The following OTX2 variants were observed in gnomAD, a reference collection of about 807,000 sequenced individuals.
OTX2 encodes the protein orthodenticle homeobox 2.
OTX2 carries 4 observed loss-of-function variants against 29.0 expected under a neutral mutation model. The observed-to-expected ratio is 0.14, with a 90% CI of 0.07 to 0.32. OTX2 has a LOEUF of 0.32. Ranked by LOEUF, OTX2 falls within the 10% of genes least tolerant of loss-of-function variation. The pLI, the probability that OTX2 is intolerant of heterozygous loss-of-function variation, is 1.00. For missense variants in OTX2, 298 were observed against 365.9 expected, an observed-to-expected ratio of 0.81 and a Z score of 1.51; for synonymous variants, 134 against 141.0, an observed-to-expected ratio of 0.95 and a Z score of 0.35.
At chr14:56,807,169 TAC>T (rs1347922390) in intron 2 of OTX2, among the ~76,000 whole-genome samples, 1 of 152,208 alleles carries the variant, frequency 6.6e-6, no homozygotes, top group African/African-American at 2.4e-5. Context: ...TTATCCTCAG[TAC>T]AACTAATTTA....
chr14:56,806,993 T>C (rs1892110930), intron 2 of OTX2, among the ~76,000 whole-genome samples: 1 of 152,144 alleles, frequency 6.6e-6, no homozygotes, highest in South Asian at 2.1e-4. Flanking sequence ...GACTCCGGGT[T>C]TTCATATTTA....
Position 56,805,333 on chromosome 14 carries a change from T to G in OTX2, c.97+27A>C, listed in dbSNP as rs1892045406. 3.4e-6 allele frequency: 5 copies of G among 1,472,572 alleles called. No individual in the cohort carries two copies. In the East Asian group the frequency reaches 1.1e-4, roughly 33 times the overall value. The allele number at this position is 1,472,572 out of a possible 1,614,324, so 91.2% of individuals were successfully genotyped here. On this transcript the variant is annotated intron_variant, in intron 3 of 4. Coordinates refer to ENST00000672264, the MANE Select transcript of OTX2 (RefSeq NM_021728.4). Reference sequence around the variant, plus strand: ...GGAGGGTGGGCATGGGGAAGAGGGGTGCGGGAGTGCAGCAGGGCTCACTTA... The same window carrying G: ...GGAGGGTGGGCATGGGGAAGAGGGGGGCGGGAGTGCAGCAGGGCTCACTTA...
In OTX2 at chr14:56,800,430, C is replaced by T. The variant is rs1394515914; in HGVS notation, c.*1305G>A. On this transcript the variant is annotated 3_prime_UTR_variant, in exon 5 of 5. Coordinates refer to ENST00000672264, the MANE Select transcript of OTX2 (RefSeq NM_021728.4). ...CATTCTAATAAAGTGCCTAAGAAAT[C>T]GTTCAGGTTTGAAGTAGGGAGGGAA... The T allele has an allele frequency of 1.3e-5, 2 of 152,094 alleles. No homozygotes were observed. The highest frequency in any genetic ancestry group is 1.9e-4 in the East Asian group (1 of 5,194). The allele number at this position is 152,094 out of a possible 1,614,324, so 9.4% of individuals were successfully genotyped here. A position where few individuals can be genotyped will look rare whatever the true frequency, so the allele number is the denominator to read the frequency against.
Position 56,802,005 on chromosome 14 carries a change from G to T in OTX2, c.624C>A (p.Asp208Glu). 6.2e-7 allele frequency: 1 copy of T among 1,614,174 alleles called. No homozygotes were observed. Among genetic ancestry groups the T allele is most frequent in the Admixed American group, 1.7e-5 (1 of 60,026 alleles). ...GCATAGGGGTCAAATATGATCCACA[G>T]TCCATGCCCCCAAAGTAGGAAGTTG... ...AGSTSYFGGM[D>E]CGSYLTPMHH... The change falls in exon 5 of 5, where the codon GAC (aspartate) becomes GAA (glutamate). Residue 208 changes from aspartate (D) to glutamate (E), a missense_variant. Physicochemically the swap from Asp to Glu is conservative, Grantham distance 45. Transcript: ENST00000672264. This position sits in a 1 kb window ranked among gnomAD's most constrained non-coding sequence, Gnocchi z 4.4.
rs1891879228 is a variant in OTX2, at chr14:56,801,620, T to C, written c.*115A>G. ...CCTTCTATGCCTCTCGGAACTTTGATCAGATGAGTCTGAGCATCATCCCAT... is the reference window on the plus strand; with the variant it reads ...CCTTCTATGCCTCTCGGAACTTTGACCAGATGAGTCTGAGCATCATCCCAT... On this transcript the variant is annotated 3_prime_UTR_variant, in exon 5 of 5. Coordinates refer to ENST00000672264, the MANE Select transcript of OTX2 (RefSeq NM_021728.4). This position sits in a 1 kb window ranked among gnomAD's most constrained non-coding sequence, Gnocchi z 4.2. 1 of 1,231,194 alleles carries C rather than the reference T, an allele frequency of 8.1e-7. No individual in the cohort carries two copies. The highest frequency in any genetic ancestry group is 1.2e-6 in the Non-Finnish European group (1 of 840,248). 76.3% of individuals were successfully genotyped at this position (1,231,194 alleles called of 1,614,324 possible).
In OTX2 at chr14:56,804,819, G is replaced by C. The variant is rs1892022202; in HGVS notation, c.98-456C>G. Among the ~76,000 whole-genome samples the C allele has an allele frequency of 6.6e-6, 1 of 152,002 alleles. No individual in the cohort carries two copies. The highest frequency in any genetic ancestry group is 6.6e-5 in the Admixed American group (1 of 15,256). On this transcript the variant is annotated intron_variant, in intron 3 of 4. Transcript: ENST00000672264. This position sits in a 1 kb window ranked among gnomAD's most constrained non-coding sequence, Gnocchi z 4.1. Reference sequence around the variant, plus strand: ...AAATGGGGACATAGTTCATACTCCTGGGAGGATTTTTAAACATATCTGATT... The same window carrying C: ...AAATGGGGACATAGTTCATACTCCTCGGAGGATTTTTAAACATATCTGATT...
At chr14:56,805,696 A>G in intron 2 of OTX2, 121 bp from the exon 3 acceptor site, 1 of 511,548 alleles carries the variant, frequency 2.0e-6, no homozygotes, top group East Asian at 3.7e-5. Flanking sequence ...AGGCTTTTAA[A>G]GGACTTGCAG....
chr14:56,803,711 A>T (rs1361162222), intron 4 of OTX2, among the ~76,000 whole-genome samples: 1 of 152,202 alleles, frequency 6.6e-6, no homozygotes, highest in East Asian at 1.9e-4. Flanking sequence ...AGGAAAATAC[A>T]TTCTTTTTGT....
Position 56,804,497 on chromosome 14 carries a change from G to T in OTX2, c.98-134C>A. 1 of 819,208 alleles carries T rather than the reference G, an allele frequency of 1.2e-6. No individual in the cohort carries two copies. Among genetic ancestry groups the T allele is most frequent in the South Asian group, 1.8e-5 (1 of 55,022 alleles). 50.7% of individuals were successfully genotyped at this position (819,208 alleles called of 1,614,324 possible). A position where few individuals can be genotyped will look rare whatever the true frequency, so the allele number is the denominator to read the frequency against. On this transcript the variant is annotated intron_variant, in intron 3 of 4. Coordinates refer to ENST00000672264, the MANE Select transcript of OTX2 (RefSeq NM_021728.4). This position sits in a 1 kb window ranked among gnomAD's most constrained non-coding sequence, Gnocchi z 4.1. ...GGAGCCTACCAATGCTCTCCCCACC[G>T]TCTCCCCAGCCTTGCTCCCCGGGGA... is the stretch of plus-strand genomic sequence containing the variant.
intron 2 of OTX2, among the ~76,000 whole-genome samples, chr14:56,808,056 C>T (rs12878110): frequency 0.07 from 10,616 of 151,790 alleles, 590 homozygotes; most frequent in Non-Finnish European, 0.093. Context: ...GCGCCCCCCG[C>T]GCAGCCTTAT....
intron 3 of OTX2, among the ~76,000 whole-genome samples, chr14:56,805,124 T>G (rs1029615116): frequency 2.0e-5 from 3 of 152,218 alleles, no homozygotes; most frequent in Non-Finnish European, 4.4e-5. Context: ...AATAAAGTGA[T>G]GTGATTGTAA....
Position 56,804,244 on chromosome 14 carries a change from T to C in OTX2, c.217A>G (p.Ile73Val). 3.1e-6 allele frequency: 5 copies of C among 1,614,194 alleles called. No homozygotes were observed. Among genetic ancestry groups the C allele is most frequent in the Non-Finnish European group, 4.2e-6 (5 of 1,180,028 alleles). ...ALFAKTRYPDIFMREEVALKI... is the reference protein window; with the variant it reads ...ALFAKTRYPDVFMREEVALKI... ...AGTGCCACCTCCTCTCGCATGAAGATGTCTGGGTACCGGGTCTTGGCAAAC... is the reference window on the plus strand; with the variant it reads ...AGTGCCACCTCCTCTCGCATGAAGACGTCTGGGTACCGGGTCTTGGCAAAC... The change falls in exon 4 of 5, where the codon ATC becomes GTC. Residue 73 changes from isoleucine to valine, a missense_variant. Physicochemically the swap from Ile to Val is conservative, Grantham distance 29. Coordinates refer to ENST00000672264, the MANE Select transcript of OTX2 (RefSeq NM_021728.4). The surrounding 1 kb of genome is among the most constrained non-coding windows in gnomAD (Gnocchi z 4.1).
In OTX2 at chr14:56,800,139, TGAC is replaced by T. The variant is rs953295093; in HGVS notation, c.*1593_*1595del. The T allele has an allele frequency of 4.1e-4, 63 of 152,306 alleles. No homozygotes were observed. The highest frequency in any genetic ancestry group is 1.4e-3 in the African/African-American group (59 of 41,554). 9.4% of individuals were successfully genotyped at this position (152,306 alleles called of 1,614,324 possible). A position where few individuals can be genotyped will look rare whatever the true frequency, so the allele number is the denominator to read the frequency against. ...CTTTCTTAAACACATACACACAAAC[TGAC>T]CAGGGTGCCTTATGTTCAACTACTG... On this transcript the variant is annotated 3_prime_UTR_variant, in exon 5 of 5. Coordinates refer to ENST00000672264, the MANE Select transcript of OTX2 (RefSeq NM_021728.4).
At chr14:56,807,041 GAA>G (rs1566626442) in intron 2 of OTX2, among the ~76,000 whole-genome samples, 1 of 152,088 alleles carries the variant, frequency 6.6e-6, no homozygotes, top group African/African-American at 2.4e-5. Context: ...GTCCATAAAT[GAA>G]ACTTAGTAAC....
intron 4 of OTX2, among the ~76,000 whole-genome samples, chr14:56,803,030 G>T (rs1891948992): frequency 6.6e-6 from 1 of 152,196 alleles, no homozygotes; most frequent in African/African-American, 2.4e-5. Flanking sequence ...GCTAGTCTCT[G>T]GGACTCGAGT....
rs948990605 is a variant in OTX2, at chr14:56,801,192, T to C, written c.*543A>G. ...CACTGATTGTCTCTTAAACTACATA[T>C]TGACTCCTTATGAACATTATTTTTT... On this transcript the variant is annotated 3_prime_UTR_variant, in exon 5 of 5. Coordinates refer to ENST00000672264, the MANE Select transcript of OTX2 (RefSeq NM_021728.4). This position sits in a 1 kb window ranked among gnomAD's most constrained non-coding sequence, Gnocchi z 4.2. The C allele has an allele frequency of 3.9e-5, 7 of 179,752 alleles. No individual in the cohort carries two copies. The South Asian group carries it at 7.4e-4, about 19-fold the overall frequency. 11.1% of individuals were successfully genotyped at this position (179,752 alleles called of 1,614,324 possible).
intron 4 of OTX2, among the ~76,000 whole-genome samples, chr14:56,803,329 C>A (rs1341026740): frequency 2.6e-5 from 4 of 152,210 alleles, no homozygotes; most frequent in Non-Finnish European, 5.9e-5. Context: ...GACCACCAAC[C>A]ATTTGGAGCC....
Position 56,801,779 on chromosome 14 carries a change from C to T in OTX2, c.850G>A (p.Asp284Asn). Residue 284 changes from aspartate (D) to asparagine (N), a missense_variant, in exon 5 of 5, where the codon GAT (aspartate) becomes AAT (asparagine). Asp to Asn is a conservative substitution (Grantham distance 23). This residue lies in a region of OTX2 where 219 missense variants were observed against 223.5 expected (regional missense o/e 0.98). Transcript: ENST00000672264. This position sits in a 1 kb window ranked among gnomAD's most constrained non-coding sequence, Gnocchi z 4.2. ...WKLNFNADCLDYKDQTSSWKF... is the reference protein window; with the variant it reads ...WKLNFNADCLNYKDQTSSWKF... ...CACGAGGATGTCTGATCTTTATAATCCAAGCAGTCAGCATTGAAGTTAAGC... is the reference window on the plus strand; with the variant it reads ...CACGAGGATGTCTGATCTTTATAATTCAAGCAGTCAGCATTGAAGTTAAGC... 2 of 1,614,168 alleles carry T rather than the reference C, an allele frequency of 1.2e-6. No homozygotes were observed. The highest frequency in any genetic ancestry group is 1.7e-6 in the Non-Finnish European group (2 of 1,180,042).
chr14:56,803,835 G>A (rs1412034406), intron 4 of OTX2, among the ~76,000 whole-genome samples: 1 of 152,048 alleles, frequency 6.6e-6, no homozygotes, highest in Non-Finnish European at 1.5e-5. Context: ...AAAAATACTT[G>A]GACTGTCCAA....
Sources: gnomAD v4.1 joint callset for allele counts (sites outside exome capture counted in the v4.1 genomes callset) on GRCh38, gnomAD v4.1.1 for gene constraint, gnomAD v4.1.1 regional missense constraint, Gnocchi (gnomAD v3.1) non-coding constraint, MANE v1.5 for transcripts, NCBI Gene and HGNC (gene_info 2026-07-23, HGNC 2026-07-21) for gene names.